Variants in SUCLG2 observed in about 807,000 individuals in gnomAD.
SUCLG2 encodes succinate--CoA ligase [GDP-forming] subunit beta, mitochondrial.
SUCLG2 carries 42 observed loss-of-function variants against 47.9 expected under a neutral mutation model. The observed-to-expected ratio is 0.88, with a 90% CI of 0.69 to 1.14. The LOEUF is 1.14. Among genes scored for constraint, SUCLG2 ranks in the 50% most tolerant of loss-of-function variants. SUCLG2 has a pLI of 0.00. For synonymous variants in SUCLG2, 195 were observed against 197.3 expected (o/e 0.99, Z 0.10); for missense variants, 571 against 525.9 (o/e 1.09, Z -0.84).
At chr3:67,532,342 C>T (rs904550414) in intron 2 of SUCLG2, among the ~76,000 whole-genome samples, 2 of 152,138 alleles carry the variant, frequency 1.3e-5, no homozygotes, top group Non-Finnish European at 2.9e-5. Context: ...TCCCATGTTG[C>T]TCCAGCTGGT....
downstream of SUCLG2, among the ~76,000 whole-genome samples, chr3:67,371,964 T>C (rs549246858): frequency 7.8e-4 from 119 of 152,262 alleles, no homozygotes; most frequent in African/African-American, 2.7e-3. Context: ...ACAGGTAAAG[T>C]TCCTGGCACA....
intron 10 of SUCLG2, among the ~76,000 whole-genome samples, chr3:67,369,427 CT>C (rs1701921109): frequency 6.6e-6 from 1 of 152,122 alleles, no homozygotes; most frequent in African/African-American, 2.4e-5. Flanking sequence ...TCTACCTTCT[CT>C]TTGTTCTGAT....
chr3:67,378,141 A>T (rs1225127864), intron 10 of SUCLG2, among the ~76,000 whole-genome samples: 2 of 152,232 alleles, frequency 1.3e-5, no homozygotes, highest in Non-Finnish European at 2.9e-5. Flanking sequence ...TTTGACTAAC[A>T]TATGACTTTG....
chr3:67,650,249 GC>G (rs1701262978), intron 1 of SUCLG2, among the ~76,000 whole-genome samples: 1 of 152,196 alleles, frequency 6.6e-6, no homozygotes, highest in Non-Finnish European at 1.5e-5. Flanking sequence ...ATAAGAACTT[GC>G]CCATAACCTT....
intron 1 of SUCLG2, among the ~76,000 whole-genome samples, chr3:67,616,434 C>T (rs1383847090): frequency 6.6e-6 from 1 of 152,134 alleles, no homozygotes; most frequent in Non-Finnish European, 1.5e-5. Context: ...CTTCTAAGGA[C>T]AGATACATGC....
Position 67,443,357 on chromosome 3 carries a change from C to T in SUCLG2, c.1063-42506G>A. Among the ~76,000 whole-genome samples, 2 of 66,496 alleles carry T rather than the reference C, an allele frequency of 3.0e-5. 1 individual carries two copies. Among genetic ancestry groups the T allele is most frequent in the Non-Finnish European group, 6.7e-5 (2 of 29,654 alleles). The allele number at this position is 66,496 out of a possible 152,430, so 43.6% of individuals were successfully genotyped here. ...CTTTGCCGCCGCGCCGGCGAGCGCC[C>T]CTCGGGAGGCAGCGGCTGGAGGAGC... On this transcript the variant is annotated intron_variant, in intron 9 of 10. Transcript: ENST00000307227.
intron 2 of SUCLG2, among the ~76,000 whole-genome samples, chr3:67,584,436 G>C (rs1176935759): frequency 6.6e-6 from 1 of 152,188 alleles, no homozygotes; most frequent in Non-Finnish European, 1.5e-5. Context: ...AGGATGAAAT[G>C]TTTTAAAACT....
At chr3:67,518,413 G>A in intron 5 of SUCLG2, 77 bp from the exon 6 acceptor site, 1 of 1,355,506 alleles carries the variant, frequency 7.4e-7, no homozygotes, top group South Asian at 1.3e-5. Context: ...AAAATGCTTA[G>A]TATTTATTTG....
At chr3:67,544,082 C>CA (rs1706796136) in intron 2 of SUCLG2, among the ~76,000 whole-genome samples, 1 of 152,084 alleles carries the variant, frequency 6.6e-6, no homozygotes, top group African/African-American at 2.4e-5. Context: ...TATGGGAATT[C>CA]AAAAAATTTT....
intron 2 of SUCLG2, among the ~76,000 whole-genome samples, chr3:67,540,745 C>G (rs1283296401): frequency 6.6e-6 from 1 of 152,346 alleles, no homozygotes; most frequent in East Asian, 1.9e-4. Flanking sequence ...CCTGTGCCCC[C>G]TTACTGGGAG....
intron 2 of SUCLG2, among the ~76,000 whole-genome samples, chr3:67,585,989 AAAC>A (rs1455320409): frequency 1.8e-4 from 9 of 49,360 alleles, no homozygotes; most frequent in African/African-American, 2.9e-4. Context: ...AAAAAAAAAA[AAAC>A]CAAACCCACA....
intron 5 of SUCLG2, among the ~76,000 whole-genome samples, chr3:67,519,079 T>C (rs1706027737): frequency 6.6e-6 from 1 of 152,100 alleles, no homozygotes; most frequent in East Asian, 1.9e-4. Context: ...AAAAAATCAA[T>C]TCCCAGCCAA....
chr3:67,545,313 G>A lies in SUCLG2; in HGVS notation c.227-16127C>T, dbSNP rs553264863. ...TCTTCAATTTTAAAGTTTGTAAAGT[G>A]GTCAATGACATGCTGGAGTTAAGCA... is the stretch of plus-strand genomic sequence containing the variant. On this transcript the variant is annotated intron_variant, in intron 2 of 10. Coordinates refer to ENST00000307227, the MANE Select transcript of SUCLG2 (RefSeq NM_003848.4). Among the ~76,000 whole-genome samples, 36 of 152,228 alleles carry A rather than the reference G, an allele frequency of 2.4e-4. 1 individual carries two copies. Among genetic ancestry groups the A allele is most frequent in the Admixed American group, 2.6e-4 (4 of 15,282 alleles).
At chr3:67,572,775 T>C (rs1707648112) in intron 2 of SUCLG2, among the ~76,000 whole-genome samples, 1 of 152,012 alleles carries the variant, frequency 6.6e-6, no homozygotes, top group Non-Finnish European at 1.5e-5. Flanking sequence ...AAGTCGCCTC[T>C]TACCGATTCT....
chr3:67,558,285 G>C (rs184927921), intron 2 of SUCLG2, among the ~76,000 whole-genome samples: 3 of 150,932 alleles, frequency 2.0e-5, no homozygotes, highest in Admixed American at 6.6e-5. Flanking sequence ...TAGCCATATG[G>C]TGCCTCATAA....
intron 3 of SUCLG2, 76 bp downstream of exon 3, chr3:67,529,011 T>C (rs1706331043): frequency 7.7e-7 from 1 of 1,294,546 alleles, no homozygotes; most frequent in South Asian, 1.4e-5. Flanking sequence ...CCAACCTCAG[T>C]GTGCCTTTCA....
intron 2 of SUCLG2, among the ~76,000 whole-genome samples, chr3:67,573,693 T>C (rs1046679861): frequency 1.3e-5 from 2 of 152,076 alleles, no homozygotes; most frequent in African/African-American, 4.8e-5. Flanking sequence ...GGCCCCTCCT[T>C]TTCCTGTGTG....
intron 9 of SUCLG2, among the ~76,000 whole-genome samples, chr3:67,465,009 A>G (rs1250993290): frequency 6.6e-6 from 1 of 152,178 alleles, no homozygotes; most frequent in African/African-American, 2.4e-5. Flanking sequence ...AGGGCAAAAG[A>G]AAGCAGGGCA....
intron 1 of SUCLG2, among the ~76,000 whole-genome samples, chr3:67,647,407 A>G (rs1301896851): frequency 6.6e-6 from 1 of 152,262 alleles, no homozygotes; most frequent in African/African-American, 2.4e-5. Context: ...GTCTGAACCC[A>G]GAATACCAGG....
Sources: allele counts gnomAD v4.1 joint callset (sites outside exome capture counted in the v4.1 genomes callset), GRCh38; gene constraint gnomAD v4.1.1; transcripts MANE v1.5; gene names NCBI Gene and HGNC (gene_info 2026-07-23, HGNC 2026-07-21).